The following VASP variants were observed in gnomAD, a reference collection of about 807,000 sequenced individuals.
The protein encoded by VASP is vasodilator-stimulated phosphoprotein.
Under a neutral mutation model 54.4 loss-of-function variants are expected in VASP, and 27 were observed. The ratio of observed to expected loss-of-function variants is 0.50; its 90% CI spans 0.37 to 0.68. The LOEUF is 0.68. VASP is among the 30% of genes least tolerant of loss of function. The pLI is 0.00. For synonymous variants in VASP, 233 were observed against 209.8 expected (o/e 1.11, Z -0.96); for missense variants, 488 against 528.3 (o/e 0.92, Z 0.75).
chr19:45,525,913 C>G (rs1262337405), intron 11 of VASP, 33 bp from the exon 12 acceptor site: 2 of 1,594,388 alleles, frequency 1.3e-6, no homozygotes, highest in Non-Finnish European at 1.7e-6. Context: ...TCCCGGTACC[C>G]CCTCCTGATT....
chr19:45,524,555 C>T lies in VASP; in HGVS notation c.957-15C>T. The T allele has an allele frequency of 6.2e-7, 1 of 1,613,528 alleles. No individual in the cohort carries two copies. Among genetic ancestry groups the T allele is most frequent in the Non-Finnish European group, 8.5e-7 (1 of 1,179,540 alleles). On this transcript the variant is annotated splice_polypyrimidine_tract_variant and intron_variant, in intron 10 of 12. Coordinates refer to ENST00000245932, the MANE Select transcript of VASP (RefSeq NM_003370.4). The stretch of plus-strand genomic sequence containing the variant: ...CTAATCTCATTGCTGTCCCAAACCA[C>T]ACCAACTCCCCCAGGATGAAGTCGT...
chr19:45,519,985 A>G (rs57235611), intron 3 of VASP, among the ~76,000 whole-genome samples: 28,509 of 136,606 alleles, frequency 0.21, 3,062 homozygotes, highest in African/African-American at 0.3. Context: ...GTTCACTGCA[A>G]CCTCCGCCTC....
At position 45,526,731 on chromosome 19, in the gene VASP, C is replaced by G. The variant is rs1170852465; in HGVS notation, c.*554C>G. The G allele has an allele frequency of 2.0e-5, 3 of 152,246 alleles. No homozygotes were observed. The highest frequency in any genetic ancestry group is 4.8e-5 in the African/African-American group (2 of 41,342). 9.4% of individuals were successfully genotyped at this position (152,246 alleles called of 1,614,324 possible). On this transcript the variant is annotated 3_prime_UTR_variant, in exon 13 of 13. Coordinates refer to ENST00000245932, the MANE Select transcript of VASP (RefSeq NM_003370.4). ...CCGGGCTGGGGGTGAGATATCCCCC[C>G]ACCCCAGGGACTCCCCTTCCCTCTG...
Position 45,526,553 on chromosome 19 carries a change from GA to G in VASP, c.*385del, listed in dbSNP as rs140959366. ...GCCTTCAAAGTTTTGGTTTTTTTAA[GA>G]AAAAAAAATATATATATATTTGGGT... On this transcript the variant is annotated 3_prime_UTR_variant, in exon 13 of 13. Transcript: ENST00000245932. The G allele has an allele frequency of 0.045, 7,263 of 159,668 alleles. 354 individuals are homozygous for G. The highest frequency in any genetic ancestry group is 0.2 in the East Asian group (1,145 of 5,636). 9.9% of individuals were successfully genotyped at this position (159,668 alleles called of 1,614,324 possible).
At chr19:45,526,066 T>C (rs1007214819) in intron 12 of VASP, 63 bp downstream of exon 12, 1 of 1,613,480 alleles carries the variant, frequency 6.2e-7, no homozygotes, top group African/African-American at 1.3e-5. Flanking sequence ...ATCATGTCCC[T>C]GGGCAAGAGC....
chr19:45,516,249 C>G (rs1968698784), intron 1 of VASP, among the ~76,000 whole-genome samples: 1 of 152,228 alleles, frequency 6.6e-6, no homozygotes, highest in Non-Finnish European at 1.5e-5. Context: ...TGGGTCACTG[C>G]TGTGTCTTCA....
At position 45,511,490 on chromosome 19, in the gene VASP, G is replaced by A. The variant is rs888126562; in HGVS notation, c.5+3714G>A. Among the ~76,000 whole-genome samples the A allele has an allele frequency of 2.6e-5, 4 of 152,120 alleles. 1 individual carries two copies. Among genetic ancestry groups the A allele is most frequent in the South Asian group, 4.1e-4 (2 of 4,822 alleles). ...GGCAACTTGAACCGTCTTTTCATCCGCCATGTGCTAGAGTTTTCCAAAATG... is the reference window on the plus strand; with the variant it reads ...GGCAACTTGAACCGTCTTTTCATCCACCATGTGCTAGAGTTTTCCAAAATG... On this transcript the variant is annotated intron_variant, in intron 1 of 12. Coordinates refer to ENST00000245932, the MANE Select transcript of VASP (RefSeq NM_003370.4).
intron 4 of VASP, 144 bp downstream of exon 4, chr19:45,521,550 C>A: frequency 1.4e-6 from 1 of 706,872 alleles, no homozygotes; most frequent in Non-Finnish European, 2.3e-6. Flanking sequence ...AGTTGCAGAA[C>A]CTCCTGGTCC....
At chr19:45,521,480 G>T in intron 4 of VASP, 74 bp downstream of exon 4, 1 of 1,345,256 alleles carries the variant, frequency 7.4e-7, no homozygotes, top group South Asian at 1.5e-5. Flanking sequence ...TTGACTCCTA[G>T]AGTTCAGAAC....
intron 3 of VASP, among the ~76,000 whole-genome samples, chr19:45,518,313 A>G (rs1362808653): frequency 6.6e-6 from 1 of 152,084 alleles, no homozygotes; most frequent in Non-Finnish European, 1.5e-5. Flanking sequence ...CATGCCTGTA[A>G]TCTCAGCACT....
rs1968969127 is a variant in VASP at position 45,526,328 on chromosome 19, T to A, written c.*151T>A. 1 of 973,524 alleles carries A rather than the reference T, an allele frequency of 1.0e-6. No individual in the cohort carries two copies. Among genetic ancestry groups the A allele is most frequent in the Non-Finnish European group, 1.4e-6 (1 of 690,052 alleles). The allele number at this position is 973,524 out of a possible 1,614,324, so 60.3% of individuals were successfully genotyped here. A position where few individuals can be genotyped will look rare whatever the true frequency, so the allele number is the denominator to read the frequency against. Reference sequence around the variant, plus strand: ...TCCCACTTGGAAAACTCCAAGGGGGTGTGGCTTCCCTGCTCACACCCACAC... The same window carrying A: ...TCCCACTTGGAAAACTCCAAGGGGGAGTGGCTTCCCTGCTCACACCCACAC... On this transcript the variant is annotated 3_prime_UTR_variant, in exon 13 of 13. Coordinates refer to ENST00000245932, the MANE Select transcript of VASP (RefSeq NM_003370.4).
intron 1 of VASP, among the ~76,000 whole-genome samples, chr19:45,512,256 C>T (rs1362899603): frequency 6.6e-6 from 1 of 152,102 alleles, no homozygotes; most frequent in African/African-American, 2.4e-5. Flanking sequence ...GCATATATCA[C>T]CACTCTGAGT....
In VASP at chr19:45,517,747, C is replaced by T. The variant is rs1440555988; in HGVS notation, c.90C>T (p.Pro30=). 6.2e-7 allele frequency: 1 copy of T among 1,613,664 alleles called. No individual in the cohort carries two copies. The highest frequency in any genetic ancestry group is 1.1e-5 in the South Asian group (1 of 91,082). Residue 30 remains proline, a synonymous_variant, in exon 2 of 13, where the codon CCC becomes CCT. Transcript: ENST00000245932. The part of the protein sequence containing the change: ...NKRWLPAGTG[P]QAFSRVQIYH... ...GATGGCTCCCTGCTGGCACGGGTCCCCAGGCCTTCAGCCGCGTCCAGATCT... is the reference window on the plus strand; with the variant it reads ...GATGGCTCCCTGCTGGCACGGGTCCTCAGGCCTTCAGCCGCGTCCAGATCT...
Position 45,522,489 on chromosome 19 carries a change from C to T in VASP, c.628C>T (p.Leu210Phe), listed in dbSNP as rs577432613. The T allele has an allele frequency of 2.0e-5, 29 of 1,468,484 alleles. No homozygotes were observed. Among genetic ancestry groups the T allele is most frequent in the Non-Finnish European group, 2.6e-5 (29 of 1,113,156 alleles). The allele number at this position is 1,468,484 out of a possible 1,614,324, so 91.0% of individuals were successfully genotyped here. A position where few individuals can be genotyped will look rare whatever the true frequency, so the allele number is the denominator to read the frequency against. The change falls in exon 6 of 13, where the codon CTC (leucine) becomes TTC (phenylalanine). Residue 210 changes from leucine (L) to phenylalanine (F), a missense_variant. This residue lies in a region of VASP where 226 missense variants were observed against 196.0 expected (regional missense o/e 1.15). Transcript: ENST00000245932. ...GGGAGGACCACCCCCTGCACCCCCT[C>T]TCCCGGCAGCACAGGGCCCTGGTGG... ...AGGGPPPAPP[L>F]PAAQGPGGGG...
Position 45,522,509 on chromosome 19 carries a change from T to G in VASP, c.648T>G (p.Pro216=). The stretch of plus-strand genomic sequence containing the variant: ...CCCCTCTCCCGGCAGCACAGGGCCC[T>G]GGTGGTGGGGGAGCTGGGGCCCCAG... ...PAPPLPAAQG[P]GGGGAGAPGL... Residue 216 remains proline, a synonymous_variant, in exon 6 of 13, where the codon CCT becomes CCG. Coordinates refer to ENST00000245932, the MANE Select transcript of VASP (RefSeq NM_003370.4). 6.9e-7 allele frequency: 1 copy of G among 1,458,120 alleles called. No homozygotes were observed. The allele number at this position is 1,458,120 out of a possible 1,614,324, so 90.3% of individuals were successfully genotyped here. A position where few individuals can be genotyped will look rare whatever the true frequency, so the allele number is the denominator to read the frequency against.
chr19:45,517,724 T>C lies in VASP; in HGVS notation c.67T>C (p.Trp23Arg). The change falls in exon 2 of 13, where the codon TGG becomes CGG. Residue 23 changes from tryptophan (W) to arginine (R), a missense_variant. Coordinates refer to ENST00000245932, the MANE Select transcript of VASP (RefSeq NM_003370.4). ...GCTTTATGATGATGGCAACAAGCGA[T>C]GGCTCCCTGCTGGCACGGGTCCCCA... is the stretch of plus-strand genomic sequence containing the variant. Reference protein sequence around the residue: ...VMLYDDGNKRWLPAGTGPQAF... With the variant: ...VMLYDDGNKRRLPAGTGPQAF... 1 of 1,613,266 alleles carries C rather than the reference T, an allele frequency of 6.2e-7. No individual in the cohort carries two copies. The highest frequency in any genetic ancestry group is 8.5e-7 in the Non-Finnish European group (1 of 1,180,036).
chr19:45,523,989 G>C, intron 9 of VASP, 108 bp from the exon 10 acceptor site: 1 of 1,610,108 alleles, frequency 6.2e-7, no homozygotes, highest in Non-Finnish European at 8.5e-7. Context: ...GGGGATTGTA[G>C]TCTCCTGAGA....
chr19:45,509,539 G>C lies in VASP; in HGVS notation c.5+1763G>C, dbSNP rs199604716. On this transcript the variant is annotated intron_variant, in intron 1 of 12. Transcript: ENST00000245932. ...CTCCCCACCACCACCACCACCACCA[G>C]CACCAGCCCTGGAAGCCCTGGCCCT... Among the ~76,000 whole-genome samples the C allele has an allele frequency of 9.3e-5, 9 of 96,792 alleles. No homozygotes were observed. The South Asian group carries it at 1.0e-3, about 11-fold the overall frequency. 63.5% of individuals were successfully genotyped at this position (96,792 alleles called of 152,430 possible). A position where few individuals can be genotyped will look rare whatever the true frequency, so the allele number is the denominator to read the frequency against.
chr19:45,516,800 A>C (rs1282770281), intron 1 of VASP, among the ~76,000 whole-genome samples: 1 of 151,468 alleles, frequency 6.6e-6, no homozygotes, highest in Non-Finnish European at 1.5e-5. Context: ...GGAGTTCGAG[A>C]CCAGTCTGGC....
Sources: gnomAD v4.1 joint callset for allele counts (sites outside exome capture counted in the v4.1 genomes callset) on GRCh38, gnomAD v4.1.1 for gene constraint, gnomAD v4.1.1 regional missense constraint, MANE v1.5 for transcripts, NCBI Gene and HGNC (gene_info 2026-07-23, HGNC 2026-07-21) for gene names.